The following WNK2 variants were observed in gnomAD, a reference collection of about 807,000 sequenced individuals.
WNK2 encodes the protein serine/threonine-protein kinase WNK2.
A neutral mutation model predicts 192.1 loss-of-function variants in WNK2; 67 were observed. That is an observed-to-expected ratio of 0.35 (90% CI 0.29 to 0.43). The LOEUF is 0.43. WNK2 is among the 20% of genes least tolerant of loss of function. The pLI, the probability that WNK2 is intolerant of heterozygous loss-of-function variation, is 1.00. For missense variants in WNK2, 2,698 were observed against 3,089.7 expected (o/e 0.87, Z 3.01); for synonymous variants, 1,439 against 1,393.9 (o/e 1.03, Z -0.72).
At position 93,229,002 on chromosome 9, in the gene WNK2, C is replaced by G. The variant is rs189979240; in HGVS notation, c.682-694C>G. Among the ~76,000 whole-genome samples the G allele has an allele frequency of 6.6e-6, 1 of 152,146 alleles. No individual in the cohort carries two copies. The highest frequency in any genetic ancestry group is 6.5e-5 in the Admixed American group (1 of 15,292). On this transcript the variant is annotated intron_variant, in intron 2 of 29. Coordinates refer to ENST00000427277, the MANE Select transcript of WNK2 (RefSeq NM_006648.4). This position sits in a 1 kb window ranked among gnomAD's most constrained non-coding sequence, Gnocchi z 4.9. ...TTCCCTTGTGGGATGGTGGGCAGAG[C>G]GGGCATGTGGTGCATGCACCTGACC...
chr9:93,190,761 A>G (rs556889182), intron 2 of WNK2, among the ~76,000 whole-genome samples: 4 of 152,162 alleles, frequency 2.6e-5, no homozygotes, highest in Admixed American at 6.5e-5. Context: ...TTTTCCTCAC[A>G]TTAAACGTGG....
chr9:93,191,270 T>C (rs930418103), intron 2 of WNK2, among the ~76,000 whole-genome samples: 9 of 151,890 alleles, frequency 5.9e-5, no homozygotes, highest in African/African-American at 1.9e-4. Flanking sequence ...AGCCAAAAGA[T>C]AGCATCAAGA....
At chr9:93,275,194 T>C (rs1007731350) in intron 19 of WNK2, among the ~76,000 whole-genome samples, 2 of 152,190 alleles carry the variant, frequency 1.3e-5, no homozygotes, top group Non-Finnish European at 2.9e-5. Context: ...ATCAGTTGAC[T>C]AAATACAACA....
intron 29 of WNK2, chr9:93,318,966 A>G: frequency 2.8e-6 from 4 of 1,452,786 alleles, no homozygotes; most frequent in Non-Finnish European, 3.6e-6. Flanking sequence ...TATTCCATCA[A>G]TTCAGTTAGA....
At chr9:93,224,093 CGG>C (rs1837408012) in intron 2 of WNK2, among the ~76,000 whole-genome samples, 1 of 152,168 alleles carries the variant, frequency 6.6e-6, no homozygotes, top group Admixed American at 6.5e-5. Flanking sequence ...TTTTGATTTA[CGG>C]CCCCACGGAA....
chr9:93,226,177 A>G (rs973627362), intron 2 of WNK2, among the ~76,000 whole-genome samples: 3 of 152,170 alleles, frequency 2.0e-5, no homozygotes, highest in Non-Finnish European at 1.5e-5. Flanking sequence ...TCCTTTGCAG[A>G]TAAGACTTGC....
In WNK2 at chr9:93,317,510, T is replaced by C; in HGVS notation, c.6517-10T>C. 1 of 1,613,464 alleles carries C rather than the reference T, an allele frequency of 6.2e-7. No individual in the cohort carries two copies. The highest frequency in any genetic ancestry group is 8.5e-7 in the Non-Finnish European group (1 of 1,179,782). ...GTGTACCTTCCTCTTCTCGTCTCTG[T>C]GTTTTGTAGATGACCGCACCTCGAG... is the stretch of plus-strand genomic sequence containing the variant. On this transcript the variant is annotated splice_polypyrimidine_tract_variant and intron_variant, in intron 28 of 29. Transcript: ENST00000427277.
At chr9:93,221,396 T>C (rs7859628) in intron 2 of WNK2, among the ~76,000 whole-genome samples, 146,687 of 152,272 alleles carry the variant, frequency 0.96, 70,715 homozygotes, top group African/African-American at 0.99. Context: ...ATGGAGAGTT[T>C]GTGACAAGGC....
intron 2 of WNK2, among the ~76,000 whole-genome samples, chr9:93,202,449 C>T (rs1832618453): frequency 6.6e-6 from 1 of 151,962 alleles, no homozygotes; most frequent in South Asian, 2.1e-4. Flanking sequence ...TTTGAGTTGA[C>T]CTCACCGAGG....
At chr9:93,310,676 C>T (rs186437633) in intron 28 of WNK2, among the ~76,000 whole-genome samples, 1 of 152,282 alleles carries the variant, frequency 6.6e-6, no homozygotes, top group East Asian at 1.9e-4. Context: ...TTCTTTCTGT[C>T]TCTATGACTT....
At chr9:93,272,940 A>T (rs1369990469) in intron 19 of WNK2, among the ~76,000 whole-genome samples, 1 of 152,200 alleles carries the variant, frequency 6.6e-6, no homozygotes, top group African/African-American at 2.4e-5. Flanking sequence ...GATTAAATTT[A>T]AAAACCAAAC....
At chr9:93,263,000 C>T (rs554887893) in intron 14 of WNK2, among the ~76,000 whole-genome samples, 6 of 152,138 alleles carry the variant, frequency 3.9e-5, no homozygotes, top group Non-Finnish European at 7.4e-5. Flanking sequence ...AGGCTATGGG[C>T]GGAGTTGGCA....
At chr9:93,293,737 C>G (rs1439961404) in intron 23 of WNK2, among the ~76,000 whole-genome samples, 3 of 152,234 alleles carry the variant, frequency 2.0e-5, no homozygotes, top group East Asian at 1.9e-4. Context: ...TCCTGCTGCA[C>G]TTGGGGGTAT....
chr9:93,279,450 C>T (rs563599648), intron 19 of WNK2, among the ~76,000 whole-genome samples: 3 of 152,264 alleles, frequency 2.0e-5, no homozygotes, highest in African/African-American at 7.2e-5. Flanking sequence ...TCCAAACAAG[C>T]GCCCTGTTCA....
chr9:93,272,738 CAAA>C (rs35641750), intron 19 of WNK2, among the ~76,000 whole-genome samples: 2 of 90,802 alleles, frequency 2.2e-5, no homozygotes, highest in Admixed American at 1.2e-4. Context: ...AACTCCGTCT[CAAA>C]AAAAAAAAAA....
intron 8 of WNK2, among the ~76,000 whole-genome samples, chr9:93,250,161 G>T (rs1269125788): frequency 6.6e-6 from 1 of 151,840 alleles, no homozygotes; most frequent in Non-Finnish European, 1.5e-5. Flanking sequence ...ACACCCATAG[G>T]CACACATAGA....
chr9:93,246,450 G>A (rs890041721), intron 7 of WNK2, among the ~76,000 whole-genome samples: 3 of 152,228 alleles, frequency 2.0e-5, no homozygotes, highest in East Asian at 3.8e-4. Flanking sequence ...GGTGTCGGGA[G>A]CCTGCCTGTG....
intron 4 of WNK2, among the ~76,000 whole-genome samples, chr9:93,233,283 G>A (rs946216851): frequency 3.3e-5 from 5 of 151,894 alleles, no homozygotes; most frequent in Non-Finnish European, 7.4e-5. Context: ...AAAAGTTCCC[G>A]GCGTCAGGCC....
intron 2 of WNK2, among the ~76,000 whole-genome samples, chr9:93,224,074 T>G (rs1281292352): frequency 6.6e-6 from 1 of 152,184 alleles, no homozygotes; most frequent in African/African-American, 2.4e-5. Context: ...AGCTCCAGGC[T>G]TCCTTTGGTT....
Sources: allele counts gnomAD v4.1 joint callset (sites outside exome capture counted in the v4.1 genomes callset), GRCh38; gene constraint gnomAD v4.1.1; non-coding constraint Gnocchi (gnomAD v3.1); transcripts MANE v1.5; gene names NCBI Gene and HGNC (gene_info 2026-07-23, HGNC 2026-07-21).